Variants in GDPD2 observed in about 807,000 individuals in gnomAD.
The protein encoded by GDPD2 is glycerophosphodiester phosphodiesterase domain containing 2.
GDPD2 carries 23 observed loss-of-function variants against 49.2 expected under a neutral mutation model. The ratio of observed to expected loss-of-function variants is 0.47; its 90% CI spans 0.34 to 0.66. GDPD2 has a LOEUF of 0.66. Ranked by LOEUF, GDPD2 falls within the 30% of genes least tolerant of loss-of-function variation. GDPD2 has a pLI of 0.01. For missense variants in GDPD2, 338 were observed against 424.7 expected (o/e 0.80, Z 1.79); for synonymous variants, 167 against 171.4 (o/e 0.97, Z 0.20).
chrX:70,428,292 T>C (rs2086445176), intron 10 of GDPD2, among the ~76,000 whole-genome samples: 2 of 112,699 alleles, frequency 1.8e-5, no homozygotes, highest in African/African-American at 6.4e-5. Context: ...TACTTCATTA[T>C]AAAATAGGCT....
At chrX:70,431,325 A>G (rs573995957) in intron 12 of GDPD2, among the ~76,000 whole-genome samples, 37 of 112,669 alleles carry the variant, frequency 3.3e-4, no homozygotes, top group Non-Finnish European at 6.2e-4. Flanking sequence ...AAGATAGGCC[A>G]AATCTAGCAA....
chrX:70,430,794 G>A (rs1373922316), intron 12 of GDPD2, among the ~76,000 whole-genome samples: 1 of 109,740 alleles, frequency 9.1e-6, no homozygotes, highest in African/African-American at 3.4e-5. Flanking sequence ...TTTTTAATTT[G>A]AATTTTAATT....
At chrX:70,431,005 C>T in intron 12 of GDPD2, 2 of 503,088 alleles carry the variant, frequency 4.0e-6, no homozygotes, top group Non-Finnish European at 3.4e-6. Flanking sequence ...CCAGGCTGGT[C>T]TCAAACTACT....
intron 5 of GDPD2, 23 bp from the exon 6 acceptor site, chrX:70,426,348 C>G: frequency 8.4e-7 from 1 of 1,195,826 alleles, no homozygotes; most frequent in Non-Finnish European, 1.1e-6. Flanking sequence ...ACCAAGAGGC[C>G]TCATTCATCC....
intron 10 of GDPD2, 198 bp downstream of exon 10, chrX:70,427,661 G>C: frequency 2.6e-6 from 1 of 391,173 alleles, no homozygotes. Flanking sequence ...ACATTTTCCT[G>C]CCTGGGAGAG....
rs759072212 is a variant in GDPD2, at chrX:70,429,558, G to A, written c.1002G>A (p.Thr334=). The A allele has an allele frequency of 7.2e-5, 87 of 1,206,821 alleles. No individual in the cohort carries two copies. Among genetic ancestry groups the A allele is most frequent in the Admixed American group, 1.1e-4 (5 of 45,775 alleles). Residue 334 remains threonine (T), a synonymous_variant, in exon 11 of 16, where the codon ACG becomes ACA. Coordinates refer to ENST00000374382, the MANE Select transcript of GDPD2 (RefSeq NM_017711.4). ...GPDQKEAESQ[T]VPALEELLEE... ...ATCAGAAAGAGGCTGAGAGTCAGACGGTACCAGCATTAGAAGAGCTATTGG... is the reference window on the plus strand; with the variant it reads ...ATCAGAAAGAGGCTGAGAGTCAGACAGTACCAGCATTAGAAGAGCTATTGG...
At chrX:70,431,126 TGTAA>T (rs1247266259) in intron 12 of GDPD2, 1 of 1,144,053 alleles carries the variant, frequency 8.7e-7, no homozygotes, top group South Asian at 1.9e-5. Context: ...CACCTAGCTA[TGTAA>T]GTATTTATTT....
rs754675317 is a variant in GDPD2, at chrX:70,433,128, C to G, written c.*42C>G. 1 of 1,038,315 alleles carries G rather than the reference C, an allele frequency of 9.6e-7. No individual in the cohort carries two copies. The highest frequency in any genetic ancestry group is 2.2e-5 in the Admixed American group (1 of 44,448). 85.6% of individuals were successfully genotyped at this position (1,038,315 alleles called of 1,213,427 possible). ...CCCCACCCAAGCCAGTCTACATTGC[C>G]CAAACAGCAAGGGTTGGAGAGTGGC... is the stretch of plus-strand genomic sequence containing the variant. On this transcript the variant is annotated 3_prime_UTR_variant, in exon 16 of 16. Coordinates refer to ENST00000374382, the MANE Select transcript of GDPD2 (RefSeq NM_017711.4).
intron 12 of GDPD2, among the ~76,000 whole-genome samples, chrX:70,431,420 C>A (rs141853137): frequency 4.7e-4 from 53 of 113,086 alleles, no homozygotes; most frequent in African/African-American, 1.7e-3. Flanking sequence ...AGAGGAGACA[C>A]TGGCATCAAC....
intron 10 of GDPD2, 108 bp from the exon 11 acceptor site, chrX:70,429,385 G>A (rs2086454397): frequency 1.9e-6 from 1 of 516,531 alleles, no homozygotes; most frequent in African/African-American, 2.4e-5. Context: ...CTGGCTCAGA[G>A]GTGGAAAGAA....
At chrX:70,431,856 C>CA (rs752148410) in intron 12 of GDPD2, among the ~76,000 whole-genome samples, 1,016 of 99,555 alleles carry the variant, frequency 0.01, 5 homozygotes, top group African/African-American at 0.017. Context: ...GATCCTGTCT[C>CA]AAAAAAAAAA....
chrX:70,426,308 G>A, intron 5 of GDPD2, 63 bp from the exon 6 acceptor site: 2 of 981,232 alleles, frequency 2.0e-6, no homozygotes, highest in East Asian at 6.3e-5. Context: ...TAGAGTGAAG[G>A]AGCAGCTCAC....
intron 12 of GDPD2, 87 bp from the exon 13 acceptor site, chrX:70,432,220 T>G (rs973945619): frequency 3.7e-6 from 3 of 800,335 alleles, no homozygotes; most frequent in Non-Finnish European, 5.5e-6. Flanking sequence ...AGTGGCACTG[T>G]AGATTCAAGC....
At chrX:70,429,820 T>G (rs774814271) in intron 11 of GDPD2, 95 bp from the exon 12 acceptor site, 1 of 1,088,374 alleles carries the variant, frequency 9.2e-7, no homozygotes. Context: ...CCAGCTCACA[T>G]ACCCCATTCT....
At position 70,433,224 on chromosome X, in the gene GDPD2, T is replaced by C; in HGVS notation, c.*138T>C. The C allele has an allele frequency of 2.0e-6, 1 of 501,537 alleles. No homozygotes were observed. The highest frequency in any genetic ancestry group is 3.5e-6 in the Non-Finnish European group (1 of 285,014). The allele number at this position is 501,537 out of a possible 1,213,427, so 41.3% of individuals were successfully genotyped here. ...TTTGCCAACAGGAGGTTTTGAACCA[T>C]GAGGGCCCTCTGCCCAGGTGATGGG... On this transcript the variant is annotated 3_prime_UTR_variant, in exon 16 of 16. Transcript: ENST00000374382.
chrX:70,425,633 G>C, intron 3 of GDPD2, 130 bp from the exon 4 acceptor site: 1 of 550,910 alleles, frequency 1.8e-6, no homozygotes, highest in Non-Finnish European at 3.3e-6. Context: ...TCAATCCTTG[G>C]AGCCCCTGGC....
chrX:70,431,358 T>A (rs2086475659), intron 12 of GDPD2, among the ~76,000 whole-genome samples: 1 of 112,600 alleles, frequency 8.9e-6, no homozygotes, highest in South Asian at 3.6e-4. Context: ...CAGGGATAGA[T>A]GGAAAGACCT....
At chrX:70,429,191 G>A (rs2086452654) in intron 10 of GDPD2, among the ~76,000 whole-genome samples, 2 of 111,647 alleles carry the variant, frequency 1.8e-5, no homozygotes. Context: ...GGATGTAGGT[G>A]CAGCTAGAAA....
At chrX:70,430,131 G>A (rs2086462934) in intron 12 of GDPD2, 68 bp downstream of exon 12, 5 of 952,763 alleles carry the variant, frequency 5.2e-6, no homozygotes, top group Non-Finnish European at 7.3e-6. Context: ...ACCAGTTCAG[G>A]GAGAGCAAAG....
Sources: allele counts gnomAD v4.1 joint callset (sites outside exome capture counted in the v4.1 genomes callset), GRCh38; gene constraint gnomAD v4.1.1; transcripts MANE v1.5; gene names NCBI Gene and HGNC (gene_info 2026-07-23, HGNC 2026-07-21).